The following IQSEC1 variants were observed in gnomAD, a reference collection of about 807,000 sequenced individuals.
The protein encoded by IQSEC1 is IQ motif and Sec7 domain ArfGEF 1.
A neutral mutation model predicts 91.0 loss-of-function variants in IQSEC1; 31 were observed. The ratio of observed to expected loss-of-function variants is 0.34; its 90% confidence interval spans 0.26 to 0.46. The LOEUF (loss-of-function observed/expected upper bound fraction) is 0.46, where lower values mean the gene tolerates loss of function less well. Ranked by LOEUF, IQSEC1 falls within the 20% of genes least tolerant of loss-of-function variation. IQSEC1 has a pLI of 1.00. For synonymous variants in IQSEC1, 699 were observed against 662.6 expected, an observed-to-expected ratio of 1.05 and a Z score of -0.84; for missense variants, 1,388 against 1,575.6, an observed-to-expected ratio of 0.88 and a Z score of 2.02.
At chr3:13,036,287 T>C (rs967790582) in intron 1 of IQSEC1, among the ~76,000 whole-genome samples, 2 of 152,168 alleles carry the variant, frequency 1.3e-5, no homozygotes, top group Non-Finnish European at 2.9e-5. Flanking sequence ...TCTGTGACTT[T>C]AGGCTGGTCA....
intron 1 of IQSEC1, among the ~76,000 whole-genome samples, chr3:12,988,734 G>C (rs553480672): frequency 1.8e-4 from 27 of 152,338 alleles, no homozygotes; most frequent in African/African-American, 6.3e-4. Context: ...GACCCATGCA[G>C]TGGTCACACG....
intron 1 of IQSEC1, among the ~76,000 whole-genome samples, chr3:13,227,275 C>G (rs569326870): frequency 4.4e-4 from 64 of 146,258 alleles, no homozygotes; most frequent in Non-Finnish European, 7.4e-4. Flanking sequence ...ACTCGGGAGG[C>G]TGAGGCAGGA....
intron 1 of IQSEC1, among the ~76,000 whole-genome samples, chr3:13,228,828 C>T (rs577132454): frequency 2.0e-5 from 3 of 152,280 alleles, no homozygotes; most frequent in East Asian, 1.9e-4. Context: ...CTCTCGGTAC[C>T]GACAGGATCC....
At chr3:12,915,796 T>C in intron 6 of IQSEC1, 63 bp from the exon 7 acceptor site, 1 of 1,585,802 alleles carries the variant, frequency 6.3e-7, no homozygotes, top group Non-Finnish European at 8.6e-7. Context: ...TACCAGTTTC[T>C]AAAGCAAATC....
intron 1 of IQSEC1, among the ~76,000 whole-genome samples, chr3:13,070,372 G>A (rs78696699): frequency 4.6e-5 from 7 of 152,312 alleles, no homozygotes; most frequent in Non-Finnish European, 8.8e-5. Context: ...GCATGAGAAC[G>A]CTTTGCAATC....
At chr3:13,064,766 G>T (rs1369706387) in intron 1 of IQSEC1, among the ~76,000 whole-genome samples, 1 of 152,266 alleles carries the variant, frequency 6.6e-6, no homozygotes, top group African/African-American at 2.4e-5. Context: ...GACTCGGATA[G>T]TTGCTCGCAG....
intron 1 of IQSEC1, among the ~76,000 whole-genome samples, chr3:13,238,825 C>T (rs1253604793): frequency 2.0e-5 from 3 of 152,194 alleles, no homozygotes; most frequent in East Asian, 3.9e-4. Context: ...GCCCCCAGGC[C>T]CTCCTACAGT....
At chr3:12,911,385 C>T (rs1028005356) in intron 10 of IQSEC1, among the ~76,000 whole-genome samples, 2 of 152,190 alleles carry the variant, frequency 1.3e-5, no homozygotes, top group Non-Finnish European at 2.9e-5. Context: ...CTGCAAGAAA[C>T]GAAGTACCAG....
intron 1 of IQSEC1, among the ~76,000 whole-genome samples, chr3:13,054,007 G>GAAACACTTTCCCCCACTTCGCACCGTC (rs1209147186): frequency 5.3e-5 from 8 of 152,250 alleles, no homozygotes; most frequent in Middle Eastern, 3.4e-3. Flanking sequence ...TCCACTCTGC[G>GAAACACTTTCCCCCACTTCGCACCGTC]AAACACTTTC....
At chr3:13,050,016 T>A (rs1430502191) in intron 1 of IQSEC1, among the ~76,000 whole-genome samples, 2 of 150,722 alleles carry the variant, frequency 1.3e-5, no homozygotes, top group African/African-American at 4.9e-5. Context: ...CAGTGGCCCC[T>A]GCCTGCCCTC....
chr3:13,041,770 A>G (rs999603664), intron 1 of IQSEC1, among the ~76,000 whole-genome samples: 2 of 152,338 alleles, frequency 1.3e-5, no homozygotes, highest in African/African-American at 4.8e-5. Flanking sequence ...CAGTTGGGAA[A>G]CAGGCTTAAA....
rs1417735491 is a variant in IQSEC1, at chr3:12,922,284, G to A, written c.1731-42C>T. 2 of 1,499,320 alleles carry A rather than the reference G, an allele frequency of 1.3e-6. No individual in the cohort carries two copies. The highest frequency in any genetic ancestry group is 2.8e-5 in the African/African-American group (2 of 71,062). The allele number at this position is 1,499,320 out of a possible 1,614,324, so 92.9% of individuals were successfully genotyped here. A position where few individuals can be genotyped will look rare whatever the true frequency, so the allele number is the denominator to read the frequency against. The stretch of plus-strand genomic sequence containing the variant: ...CAGCCCCGCATAAGCACCCCTTGCA[G>A]GTGCGACACGCCCAGCCCACCCCCA... On this transcript the variant is annotated intron_variant, in intron 4 of 13. Coordinates refer to ENST00000613206, the MANE Select transcript of IQSEC1 (RefSeq NM_001134382.3). This position sits in a 1 kb window ranked among gnomAD's most constrained non-coding sequence, Gnocchi z 5.1.
chr3:13,146,267 G>A (rs2124948984), intron 2 of IQSEC1, among the ~76,000 whole-genome samples: 1 of 152,188 alleles, frequency 6.6e-6, no homozygotes, highest in East Asian at 1.9e-4. Flanking sequence ...GATTACAGGT[G>A]TGAGCCACCG....
intron 2 of IQSEC1, among the ~76,000 whole-genome samples, chr3:13,133,324 A>G (rs910590514): frequency 3.9e-5 from 6 of 152,224 alleles, no homozygotes; most frequent in Admixed American, 6.5e-5. Context: ...TAGCAGGGAT[A>G]TTACAGAAGT....
intron 1 of IQSEC1, among the ~76,000 whole-genome samples, chr3:13,242,334 G>A (rs1329012447): frequency 1.1e-4 from 17 of 152,182 alleles, no homozygotes; most frequent in East Asian, 1.9e-4. Flanking sequence ...CATGAGGTGC[G>A]GTGACCCTTT....
intron 1 of IQSEC1, among the ~76,000 whole-genome samples, chr3:13,201,358 T>A (rs1235359892): frequency 1.3e-5 from 2 of 152,146 alleles, no homozygotes; most frequent in Non-Finnish European, 2.9e-5. Flanking sequence ...TAGAGACAGG[T>A]CTCACTCTTT....
At chr3:12,912,934 G>A (rs1695710552) in intron 9 of IQSEC1, among the ~76,000 whole-genome samples, 1 of 152,210 alleles carries the variant, frequency 6.6e-6, no homozygotes, top group Admixed American at 6.5e-5. Flanking sequence ...TGGGGCTTGG[G>A]ACCTAGGCCT....
At chr3:13,083,775 G>A (rs1466878701) in intron 2 of IQSEC1, among the ~76,000 whole-genome samples, 1 of 152,274 alleles carries the variant, frequency 6.6e-6, no homozygotes, top group Non-Finnish European at 1.5e-5. Context: ...GGCATACAGA[G>A]TGTCAGCGAC....
intron 1 of IQSEC1, among the ~76,000 whole-genome samples, chr3:13,034,352 C>G (rs1195767072): frequency 6.6e-6 from 1 of 152,214 alleles, no homozygotes. Flanking sequence ...GTGCTAAATC[C>G]AGCAGTTACC....
Sources: allele counts gnomAD v4.1 joint callset (sites outside exome capture counted in the v4.1 genomes callset), GRCh38; gene constraint gnomAD v4.1.1; non-coding constraint Gnocchi (gnomAD v3.1); transcripts MANE v1.5; gene names NCBI Gene and HGNC (gene_info 2026-07-23, HGNC 2026-07-21).